The following CRACR2A variants were observed in gnomAD, a reference collection of about 807,000 sequenced individuals.
CRACR2A encodes EF-hand calcium-binding domain-containing protein 4B.
CRACR2A carries 79 observed loss-of-function variants against 90.5 expected under a neutral mutation model. The ratio of observed to expected loss-of-function variants is 0.87; its 90% CI spans 0.73 to 1.05. CRACR2A has a LOEUF of 1.05. Ranked by LOEUF, CRACR2A falls within the 50% of genes least tolerant of loss-of-function variation. The pLI is 0.00. For missense variants in CRACR2A, 823 were observed against 897.2 expected, an observed-to-expected ratio of 0.92 and a Z score of 1.06; for synonymous variants, 338 against 356.7, an observed-to-expected ratio of 0.95 and a Z score of 0.59.
At chr12:3,706,913 T>C (rs1384040109) in intron 3 of CRACR2A, among the ~76,000 whole-genome samples, 1 of 152,220 alleles carries the variant, frequency 6.6e-6, no homozygotes, top group East Asian at 1.9e-4. Context: ...CTGTCAGCTA[T>C]TATTACTACA....
At chr12:3,618,822 T>C (rs142713947) in intron 18 of CRACR2A, among the ~76,000 whole-genome samples, 1 of 152,332 alleles carries the variant, frequency 6.6e-6, no homozygotes, top group East Asian at 1.9e-4. Flanking sequence ...TGAGTTTATC[T>C]TGAGTTCATG....
At chr12:3,635,795 C>G (rs1418816550) in intron 14 of CRACR2A, among the ~76,000 whole-genome samples, 1 of 151,976 alleles carries the variant, frequency 6.6e-6, no homozygotes, top group South Asian at 2.1e-4. Context: ...CATGGCCTCC[C>G]AAAGTGCTGG....
chr12:3,751,637 C>T lies in CRACR2A; in HGVS notation c.-387+1378G>A, dbSNP rs533235420. ...CGTCCTTCCCCAAGATGCCCAGACC[C>T]AGCCTCCTATTCAAGGCCCGGCCTC... is the stretch of plus-strand genomic sequence containing the variant. On this transcript the variant is annotated intron_variant, in intron 1 of 19. Coordinates refer to ENST00000440314, the MANE Select transcript of CRACR2A (RefSeq NM_001144958.2). 1.9e-3 allele frequency among the ~76,000 whole-genome samples: 292 copies of T among 152,296 alleles called. 2 individuals carry two copies. Among genetic ancestry groups the T allele is most frequent in the African/African-American group, 6.7e-3 (279 of 41,560 alleles).
intron 1 of CRACR2A, among the ~76,000 whole-genome samples, chr12:3,739,526 T>C (rs1312824679): frequency 6.6e-6 from 1 of 152,244 alleles, no homozygotes; most frequent in African/African-American, 2.4e-5. Context: ...AGTTCTAAGA[T>C]AAAATTCTGG....
chr12:3,634,044 C>T (rs1591642320), intron 14 of CRACR2A, among the ~76,000 whole-genome samples: 2 of 152,134 alleles, frequency 1.3e-5, no homozygotes, highest in Non-Finnish European at 2.9e-5. Context: ...GGAGGCAGCA[C>T]GCTCACGGAT....
chr12:3,675,013 A>C (rs992433847), intron 6 of CRACR2A, among the ~76,000 whole-genome samples: 3 of 152,174 alleles, frequency 2.0e-5, no homozygotes, highest in African/African-American at 7.2e-5. Flanking sequence ...ATTATGGAAA[A>C]TCGCTTATGA....
chr12:3,745,177 T>A (rs10848919), intron 1 of CRACR2A, among the ~76,000 whole-genome samples: 1 of 151,716 alleles, frequency 6.6e-6, no homozygotes, highest in Non-Finnish European at 1.5e-5. Context: ...GTATCCGGGG[T>A]GTCTGTTCAA....
At chr12:3,687,502 T>G (rs927574519) in intron 4 of CRACR2A, among the ~76,000 whole-genome samples, 1 of 152,190 alleles carries the variant, frequency 6.6e-6, no homozygotes, top group South Asian at 2.1e-4. Context: ...TCCAGCTCCA[T>G]CCAAGTTGCT....
chr12:3,671,132 G>A (rs1451509807), intron 7 of CRACR2A, among the ~76,000 whole-genome samples: 1 of 152,170 alleles, frequency 6.6e-6, no homozygotes, highest in African/African-American at 2.4e-5. Flanking sequence ...AGCAAGTCAG[G>A]GGTACTTGTT....
At chr12:3,676,619 T>C (rs1182915903) in intron 6 of CRACR2A, among the ~76,000 whole-genome samples, 2 of 152,192 alleles carry the variant, frequency 1.3e-5, no homozygotes, top group African/African-American at 2.4e-5. Context: ...AGAAGACAAC[T>C]GTCTGTGAAT....
chr12:3,737,073 G>A (rs1189281356), intron 1 of CRACR2A, among the ~76,000 whole-genome samples: 1 of 152,194 alleles, frequency 6.6e-6, no homozygotes, highest in African/African-American at 2.4e-5. Flanking sequence ...TCACAACTGG[G>A]GTAAGTGTTC....
At chr12:3,682,876 G>A (rs984409706) in intron 4 of CRACR2A, among the ~76,000 whole-genome samples, 6 of 151,408 alleles carry the variant, frequency 4.0e-5, no homozygotes, top group African/African-American at 1.2e-4. Flanking sequence ...TCCGCCTCCC[G>A]GGTTCAAGTG....
At chr12:3,642,997 G>T (rs1437300461) in intron 12 of CRACR2A, among the ~76,000 whole-genome samples, 4 of 152,168 alleles carry the variant, frequency 2.6e-5, no homozygotes, top group African/African-American at 9.7e-5. Flanking sequence ...ATTCCCCACA[G>T]AAGTTCTTAA....
At chr12:3,717,273 C>T (rs190528128) in intron 2 of CRACR2A, among the ~76,000 whole-genome samples, 1 of 152,314 alleles carries the variant, frequency 6.6e-6, no homozygotes, top group Non-Finnish European at 1.5e-5. Flanking sequence ...GCTGTACCCC[C>T]TCCATCATGT....
chr12:3,701,782 G>A (rs1407139534), intron 3 of CRACR2A, among the ~76,000 whole-genome samples: 1 of 152,056 alleles, frequency 6.6e-6, no homozygotes, highest in Admixed American at 6.5e-5. Context: ...GACTCTTTCA[G>A]AAAATTGAAG....
chr12:3,731,003 C>T (rs529928394), intron 2 of CRACR2A: 2 of 152,346 alleles, frequency 1.3e-5, no homozygotes, highest in South Asian at 4.1e-4. Context: ...AGGCTACGAA[C>T]AGCCTGCAGG....
At chr12:3,669,633 G>C (rs921345201) in intron 7 of CRACR2A, among the ~76,000 whole-genome samples, 5 of 152,206 alleles carry the variant, frequency 3.3e-5, no homozygotes, top group Non-Finnish European at 4.4e-5. Context: ...CTGTGAGTGA[G>C]GACTCTGGGT....
At position 3,692,544 on chromosome 12, in the gene CRACR2A, G is replaced by A. The variant is rs187896603; in HGVS notation, c.228+4228C>T. 1.7e-3 allele frequency among the ~76,000 whole-genome samples: 256 copies of A among 152,152 alleles called. 2 individuals are homozygous for A. The highest frequency in any genetic ancestry group is 0.015 in the Admixed American group (234 of 15,278). On this transcript the variant is annotated intron_variant, in intron 4 of 19. Coordinates refer to ENST00000440314, the MANE Select transcript of CRACR2A (RefSeq NM_001144958.2). ...GTGGGGTTGGGGGTGAGGTGCTTCT[G>A]GACCATTGGTCACTATGTTCCAGTG...
intron 2 of CRACR2A, among the ~76,000 whole-genome samples, chr12:3,716,442 A>C (rs1023353482): frequency 6.6e-6 from 1 of 152,220 alleles, no homozygotes; most frequent in Non-Finnish European, 1.5e-5. Flanking sequence ...CACTGAGTGG[A>C]AAGTTTGCTC....
Sources: allele counts gnomAD v4.1 joint callset (sites outside exome capture counted in the v4.1 genomes callset), GRCh38; gene constraint gnomAD v4.1.1; transcripts MANE v1.5; gene names NCBI Gene and HGNC (gene_info 2026-07-23, HGNC 2026-07-21).